Variants in EP400 observed in about 807,000 individuals in gnomAD.
EP400 encodes E1A binding protein p400, also known as E1A-binding protein p400.
EP400 carries 105 observed loss-of-function variants against 354.1 expected under a neutral mutation model. The observed-to-expected ratio is 0.30, with a 90% CI of 0.25 to 0.35. The LOEUF (loss-of-function observed/expected upper bound fraction) is 0.35, where lower values mean the gene tolerates loss of function less well. Among genes scored for constraint, EP400 ranks in the 10% least tolerant of loss-of-function variants. EP400 has a pLI of 1.00. For missense variants in EP400, 3,280 were observed against 4,121.0 expected (o/e 0.80, Z 5.59); for synonymous variants, 1,646 against 1,716.9 (o/e 0.96, Z 1.02).
At chr12:131,955,708 G>A (rs1645881261) in intron 1 of EP400, among the ~76,000 whole-genome samples, 1 of 151,804 alleles carries the variant, frequency 6.6e-6, no homozygotes, top group Admixed American at 6.6e-5. Flanking sequence ...GTAGTGGTGT[G>A]ATCTTGGCTC....
In EP400 at chr12:132,045,841, T is replaced by C; in HGVS notation, c.7141T>C (p.Ser2381Pro). 6.2e-7 allele frequency: 1 copy of C among 1,614,216 alleles called. No individual in the cohort carries two copies. Among genetic ancestry groups the C allele is most frequent in the Non-Finnish European group, 8.5e-7 (1 of 1,180,036 alleles). ...VVNSCSRIYR[S>P]SKQCRNRYEN... ...TAACTCCTGTAGCCGAATCTACCGC[T>C]CTTCCAAACAGTGCCGGAATCGCTA... Residue 2381 changes from serine (S) to proline (P), a missense_variant, in exon 39 of 53, where the codon TCT becomes CCT. Ser to Pro is a moderately conservative substitution (Grantham distance 74). Coordinates refer to ENST00000389561, the MANE Select transcript of EP400 (RefSeq NM_015409.5).
Position 132,076,145 on chromosome 12 carries a change from C to T in EP400, c.9022-371C>T, listed in dbSNP as rs548560240. 193 of 367,878 alleles carry T rather than the reference C, an allele frequency of 5.2e-4. 1 individual carries two copies. The highest frequency in any genetic ancestry group is 3.8e-3 in the South Asian group (177 of 46,280). 22.8% of individuals were successfully genotyped at this position (367,878 alleles called of 1,614,324 possible). A position where few individuals can be genotyped will look rare whatever the true frequency, so the allele number is the denominator to read the frequency against. ...ACTGTACAGCTCATTACTGGAACGT[C>T]GTCCAGGCCTGTCATATGCAGAGCC... is the stretch of plus-strand genomic sequence containing the variant. On this transcript the variant is annotated intron_variant, in intron 51 of 52. Transcript: ENST00000389561.
chr12:132,016,026 G>A (rs1391661473), intron 19 of EP400, among the ~76,000 whole-genome samples: 1 of 152,190 alleles, frequency 6.6e-6, no homozygotes, highest in Non-Finnish European at 1.5e-5. Context: ...CCTGGTTCCT[G>A]TTAGCCAGGG....
rs934337292 is a variant in EP400, at chr12:132,029,660, G to A, written c.5382-41G>A. 3.8e-6 allele frequency: 6 copies of A among 1,598,556 alleles called. No individual in the cohort carries two copies. Among genetic ancestry groups the A allele is most frequent in the Admixed American group, 3.3e-5 (2 of 59,708 alleles). Reference sequence around the variant, plus strand: ...GAGCCCCCATGCTGGGTGAAGGTGTGTGGCTCCTGGTGGTGACAAAACATG... The same window carrying A: ...GAGCCCCCATGCTGGGTGAAGGTGTATGGCTCCTGGTGGTGACAAAACATG... On this transcript the variant is annotated intron_variant, in intron 27 of 52. Coordinates refer to ENST00000389561, the MANE Select transcript of EP400 (RefSeq NM_015409.5). This position sits in a 1 kb window ranked among gnomAD's most constrained non-coding sequence, Gnocchi z 4.7.
chr12:131,973,599 T>G (rs1012898511), intron 2 of EP400, among the ~76,000 whole-genome samples: 11 of 152,228 alleles, frequency 7.2e-5, no homozygotes, highest in South Asian at 2.1e-4. Flanking sequence ...GCCAAGATTG[T>G]GCCGCTGCAC....
In EP400 at chr12:132,055,086, C is replaced by T. The variant is rs1262708074; in HGVS notation, c.7775-13C>T. 1.2e-6 allele frequency: 2 copies of T among 1,613,768 alleles called. No individual in the cohort carries two copies. The highest frequency in any genetic ancestry group is 1.7e-6 in the Non-Finnish European group (2 of 1,179,908). On this transcript the variant is annotated splice_polypyrimidine_tract_variant and intron_variant, in intron 44 of 52. Transcript: ENST00000389561. ...TCCTGGCGCTGTTGCCTTATGCCCG[C>T]CTGTCTCCGCAGGTGCCGTGAGTGG...
intron 22 of EP400, 114 bp downstream of exon 22, chr12:132,020,332 G>C: frequency 7.9e-7 from 1 of 1,259,420 alleles, no homozygotes; most frequent in Non-Finnish European, 1.1e-6. Flanking sequence ...GTGGGAACAG[G>C]CACCACCCGC....
At chr12:132,046,630 C>T (rs1298814238) in intron 39 of EP400, among the ~76,000 whole-genome samples, 1 of 152,190 alleles carries the variant, frequency 6.6e-6, no homozygotes, top group East Asian at 1.9e-4. Context: ...TAGCTTGACC[C>T]CCGAAGAGTC....
In EP400 at chr12:132,023,844, A is replaced by G. The variant is rs7133119; in HGVS notation, c.4758A>G (p.Pro1586=). The G allele has an allele frequency of 0.15, 246,232 of 1,613,106 alleles. 32,789 individuals are homozygous for G. Among genetic ancestry groups the G allele is most frequent in the African/African-American group, 0.71 (53,391 of 74,834 alleles). The change falls in exon 24 of 53, where the codon CCA becomes CCG. Residue 1586 remains proline, a synonymous_variant. Transcript: ENST00000389561. Reference sequence around the variant, plus strand: ...GACCACAGAGCCGCGTGGCTCAGCCAGAGACGCCGGTGACACTGCAGTTCC... The same window carrying G: ...GACCACAGAGCCGCGTGGCTCAGCCGGAGACGCCGGTGACACTGCAGTTCC... ...ITGPQSRVAQ[P]ETPVTLQFQG...
chr12:132,077,689 T>C lies in EP400; in HGVS notation c.*16T>C, dbSNP rs1415702065. ...GTGCCAGTAGTCAGGGCAGCAGGGC[T>C]GCCTCTCATCTAAAGCAAAACTACC... On this transcript the variant is annotated 3_prime_UTR_variant, in exon 53 of 53. Coordinates refer to ENST00000389561, the MANE Select transcript of EP400 (RefSeq NM_015409.5). 1 of 1,575,352 alleles carries C rather than the reference T, an allele frequency of 6.3e-7. No individual in the cohort carries two copies. The highest frequency in any genetic ancestry group is 8.6e-7 in the Non-Finnish European group (1 of 1,161,576).
At chr12:132,004,813 C>G (rs535035489) in intron 12 of EP400, among the ~76,000 whole-genome samples, 4 of 152,202 alleles carry the variant, frequency 2.6e-5, no homozygotes, top group Non-Finnish European at 5.9e-5. Context: ...AGTAATTTCT[C>G]ATCATTCCCC....
Position 132,050,877 on chromosome 12 carries a change from C to T in EP400, c.7394+222C>T. The T allele has an allele frequency of 3.3e-6, 2 of 598,478 alleles. No individual in the cohort carries two copies. Among genetic ancestry groups the T allele is most frequent in the Non-Finnish European group, 5.9e-6 (2 of 338,012 alleles). 37.1% of individuals were successfully genotyped at this position (598,478 alleles called of 1,614,324 possible). On this transcript the variant is annotated intron_variant, in intron 41 of 52. Transcript: ENST00000389561. The surrounding 1 kb of genome is among the most constrained non-coding windows in gnomAD (Gnocchi z 4.8). ...CTGTCTCTGTGTTACAGGGATTGTC[C>T]TTGCTGGCCCTCAGTGGGGAAAGAC...
intron 45 of EP400, among the ~76,000 whole-genome samples, chr12:132,061,887 G>A (rs943958919): frequency 5.9e-5 from 9 of 152,364 alleles, no homozygotes; most frequent in South Asian, 2.1e-4. Flanking sequence ...CATCTGAAGC[G>A]TGTTTCTGTG....
intron 51 of EP400, among the ~76,000 whole-genome samples, 185 bp downstream of exon 51, chr12:132,069,826 C>T (rs185078800): frequency 2.6e-4 from 39 of 152,304 alleles, no homozygotes; most frequent in Non-Finnish European, 4.7e-4. Context: ...TCCTCTCTGC[C>T]GGGGCCTGTT....
At position 132,025,537 on chromosome 12, in the gene EP400, T is replaced by G. The variant is rs918014876; in HGVS notation, c.4856-109T>G. On this transcript the variant is annotated intron_variant, in intron 24 of 52. Coordinates refer to ENST00000389561, the MANE Select transcript of EP400 (RefSeq NM_015409.5). This position sits in a 1 kb window ranked among gnomAD's most constrained non-coding sequence, Gnocchi z 4.1. ...TTTGCATTGATTTTTTTGTGTAGAT[T>G]TGATTTTCAGTTTGTCAACTTATTT... 4.7e-6 allele frequency: 6 copies of G among 1,266,740 alleles called. No individual in the cohort carries two copies. Among genetic ancestry groups the G allele is most frequent in the Non-Finnish European group, 6.3e-6 (6 of 949,738 alleles). The allele number at this position is 1,266,740 out of a possible 1,614,324, so 78.5% of individuals were successfully genotyped here.
intron 30 of EP400, among the ~76,000 whole-genome samples, chr12:132,034,386 A>G (rs1191557703): frequency 3.9e-5 from 6 of 152,252 alleles, no homozygotes; most frequent in Admixed American, 3.9e-4. Flanking sequence ...ATTCATGAAC[A>G]TGTGAAGTTT....
rs370813732 is a variant in EP400, at chr12:132,064,673, C to T, written c.8340C>T (p.His2780=). 1.9e-5 allele frequency: 30 copies of T among 1,611,496 alleles called. No individual in the cohort carries two copies. The highest frequency in any genetic ancestry group is 1.2e-4 in the South Asian group (11 of 91,000). The change falls in exon 48 of 53, where the codon CAC becomes CAT. Residue 2780 remains histidine, a synonymous_variant. Transcript: ENST00000389561. Reference sequence around the variant, plus strand: ...ATACTTTGCTTGTATTTTAGGAACACCTCATCAAAATGCAGAAGCAGAAAC... The same window carrying T: ...ATACTTTGCTTGTATTTTAGGAACATCTCATCAAAATGCAGAAGCAGAAAC... ...IKAVGKLTPE[H]LIKMQKQKLQ...
Position 131,979,808 on chromosome 12 carries a change from C to G in EP400, c.1435+15C>G, listed in dbSNP as rs1258077352. On this transcript the variant is annotated intron_variant, in intron 3 of 52. Coordinates refer to ENST00000389561, the MANE Select transcript of EP400 (RefSeq NM_015409.5). ...AGGTATGGCAGGTACGTCGGCACGG[C>G]TAGCGTGGCCTCGGGAATGCCCCCC... The G allele has an allele frequency of 6.3e-7, 1 of 1,582,846 alleles. No homozygotes were observed. The highest frequency in any genetic ancestry group is 1.9e-5 in the Admixed American group (1 of 54,038).
chr12:131,983,502 C>G (rs977709928), intron 5 of EP400, among the ~76,000 whole-genome samples: 1 of 152,208 alleles, frequency 6.6e-6, no homozygotes, highest in Admixed American at 6.5e-5. Flanking sequence ...GCCACAGCCT[C>G]GGTGCCAGCC....
Sources: allele counts gnomAD v4.1 joint callset (sites outside exome capture counted in the v4.1 genomes callset), GRCh38; gene constraint gnomAD v4.1.1; non-coding constraint Gnocchi (gnomAD v3.1); transcripts MANE v1.5; gene names NCBI Gene and HGNC (gene_info 2026-07-23, HGNC 2026-07-21).